Variants in SOCS7 observed in about 807,000 individuals in gnomAD.
SOCS7 encodes suppressor of cytokine signaling 7, also known as NAP-4.
A neutral mutation model predicts 58.9 loss-of-function variants in SOCS7; 18 were observed. The observed-to-expected ratio is 0.31, with a 90% confidence interval of 0.21 to 0.45. SOCS7 has a LOEUF of 0.45. SOCS7 is among the 20% of genes least tolerant of loss of function. The pLI, the probability that SOCS7 is intolerant of heterozygous loss-of-function variation, is 1.00. For synonymous variants in SOCS7, 388 were observed against 364.3 expected, an observed-to-expected ratio of 1.06 and a Z score of -0.74; for missense variants, 667 against 837.3, an observed-to-expected ratio of 0.80 and a Z score of 2.51.
intron 6 of SOCS7, among the ~76,000 whole-genome samples, chr17:38,371,910 T>C (rs1004212928): frequency 6.6e-6 from 1 of 151,998 alleles, no homozygotes; most frequent in African/African-American, 2.4e-5. Context: ...CTTTGTAATA[T>C]GTTGGCGTGG....
In SOCS7 at chr17:38,401,792, C is replaced by CA. The variant is rs2144418238; in HGVS notation, c.*2311dup. On this transcript the variant is annotated 3_prime_UTR_variant, in exon 10 of 10. Coordinates refer to ENST00000612932, the MANE Select transcript of SOCS7 (RefSeq NM_014598.4). ...TCTGCATGGCATGTACTGAACAGTG[C>CA]ACAGCCCTGTTAGAGCAACATGGTT... is the stretch of plus-strand genomic sequence containing the variant. 6.6e-6 allele frequency: 1 copy of CA among 152,352 alleles called. No individual in the cohort carries two copies. The highest frequency in any genetic ancestry group is 2.4e-5 in the African/African-American group (1 of 41,570). 9.4% of individuals were successfully genotyped at this position (152,352 alleles called of 1,614,324 possible).
At chr17:38,365,509 C>A in intron 4 of SOCS7, 100 bp downstream of exon 4, 1 of 720,702 alleles carries the variant, frequency 1.4e-6, no homozygotes, top group Non-Finnish European at 2.1e-6. Context: ...GAAATAACAG[C>A]TTAGTAGAAA....
intron 7 of SOCS7, among the ~76,000 whole-genome samples, chr17:38,389,900 C>G (rs1220797414): frequency 5.0e-5 from 1 of 20,184 alleles, no homozygotes; most frequent in Non-Finnish European, 9.8e-5. Context: ...TATATATATA[C>G]ACATATAGAG....
intron 6 of SOCS7, 110 bp from the exon 7 acceptor site, chr17:38,377,604 C>T (rs1252950988): frequency 5.1e-6 from 5 of 979,766 alleles, no homozygotes; most frequent in African/African-American, 5.0e-5. Flanking sequence ...GCCAGCTTGC[C>T]CCCAAACTGC....
At position 38,379,014 on chromosome 17, in the gene SOCS7, C is replaced by T. The variant is rs532601333; in HGVS notation, c.1681+1172C>T. Among the ~76,000 whole-genome samples the T allele has an allele frequency of 1.4e-4, 21 of 151,814 alleles. No homozygotes were observed. In the South Asian group the frequency reaches 4.4e-3, roughly 32 times the overall value. Reference sequence around the variant, plus strand: ...CTCTACAAAATACACAAAAATTAGCCGGGTGTGATGCCAGGCGTCTGTAGT... The same window carrying T: ...CTCTACAAAATACACAAAAATTAGCTGGGTGTGATGCCAGGCGTCTGTAGT... On this transcript the variant is annotated intron_variant, in intron 7 of 9. Transcript: ENST00000612932.
In SOCS7 at chr17:38,377,771, A is replaced by AGT; in HGVS notation, c.1611_1612dup (p.Phe538CysfsTer19). On this transcript the variant is annotated frameshift_variant, in exon 7 of 10. Coordinates refer to ENST00000612932, the MANE Select transcript of SOCS7 (RefSeq NM_014598.4). LOFTEE classifies it high-confidence loss of function. ...GAGGACCGCTGTCAATCTGTTGTAG[A>AGT]GTTTATTAAGAGAGCCATTATGCAC... 1 of 1,613,694 alleles carries AGT rather than the reference A, an allele frequency of 6.2e-7. No homozygotes were observed. The highest frequency in any genetic ancestry group is 8.5e-7 in the Non-Finnish European group (1 of 1,179,710).
rs540789076 is a variant in SOCS7 at position 38,393,792 on chromosome 17, C to T, written c.1682-1517C>T. Among the ~76,000 whole-genome samples, 19 of 151,508 alleles carry T rather than the reference C, an allele frequency of 1.3e-4. No individual in the cohort carries two copies. The East Asian group carries it at 2.1e-3, about 17-fold the overall frequency. On this transcript the variant is annotated intron_variant, in intron 7 of 9. Coordinates refer to ENST00000612932, the MANE Select transcript of SOCS7 (RefSeq NM_014598.4). The stretch of plus-strand genomic sequence containing the variant: ...GTGGGTGCCTGTAATCCCAGCTACT[C>T]GGGAGGCTGAGGCAGGAGAATGGCA...
intron 7 of SOCS7, among the ~76,000 whole-genome samples, chr17:38,388,515 G>A (rs2038110105): frequency 6.6e-6 from 1 of 151,952 alleles, no homozygotes; most frequent in African/African-American, 2.4e-5. Flanking sequence ...GAACAAGACT[G>A]TGTCTCAAGA....
chr17:38,360,917 C>T (rs41366846), intron 1 of SOCS7, among the ~76,000 whole-genome samples: 1,952 of 152,294 alleles, frequency 0.013, 44 homozygotes, highest in African/African-American at 0.044. Context: ...CACTTCTGGC[C>T]GTAATGTCTT....
At chr17:38,395,714 A>G in intron 8 of SOCS7, 134 bp from the exon 9 acceptor site, 3 of 984,678 alleles carry the variant, frequency 3.0e-6, no homozygotes, top group Non-Finnish European at 1.5e-6. Flanking sequence ...AGACAGAACT[A>G]TAATAACTGA....
At position 38,352,340 on chromosome 17, in the gene SOCS7, C is replaced by T; in HGVS notation, c.288C>T (p.Arg96=). 2.0e-6 allele frequency: 3 copies of T among 1,482,468 alleles called. No individual in the cohort carries two copies. Among genetic ancestry groups the T allele is most frequent in the Non-Finnish European group, 2.7e-6 (3 of 1,127,670 alleles). The allele number at this position is 1,482,468 out of a possible 1,614,324, so 91.8% of individuals were successfully genotyped here. Residue 96 remains arginine, a synonymous_variant, in exon 1 of 10, where the codon CGC becomes CGT. Coordinates refer to ENST00000612932, the MANE Select transcript of SOCS7 (RefSeq NM_014598.4). The surrounding 1 kb of genome is among the most constrained non-coding windows in gnomAD (Gnocchi z 5.5). ...CGGAACTGCTGTGTCCCCGGCACCG[C>T]TGTGCCCTGGACCCCAAGGCCCTGC... ...GPSELLCPRH[R]CALDPKALPP...
rs886710695 is a variant in SOCS7 at position 38,403,933 on chromosome 17, A to G, written c.*4451A>G. ...CAGTGTTTATCAGTAGTTCAAAATG[A>G]TTTATTTGCTCCTGGGGAGTAAAAC... On this transcript the variant is annotated 3_prime_UTR_variant, in exon 10 of 10. Transcript: ENST00000612932. 3.9e-5 allele frequency: 6 copies of G among 152,090 alleles called. No individual in the cohort carries two copies. The highest frequency in any genetic ancestry group is 1.3e-4 in the Admixed American group (2 of 15,268). The allele number at this position is 152,090 out of a possible 1,614,324, so 9.4% of individuals were successfully genotyped here.
chr17:38,397,321 A>T (rs2038257866), intron 9 of SOCS7, among the ~76,000 whole-genome samples: 1 of 152,220 alleles, frequency 6.6e-6, no homozygotes, highest in African/African-American at 2.4e-5. Context: ...AACAATCCTG[A>T]TGTCACAGCA....
intron 6 of SOCS7, among the ~76,000 whole-genome samples, chr17:38,369,669 G>A (rs2037835484): frequency 6.9e-6 from 1 of 144,698 alleles, no homozygotes; most frequent in Non-Finnish European, 1.5e-5. Context: ...ATAGTTCTCC[G>A]ATTACTTTTT....
chr17:38,390,057 G>A (rs2038150465), intron 7 of SOCS7, among the ~76,000 whole-genome samples: 1 of 149,312 alleles, frequency 6.7e-6, no homozygotes, highest in Admixed American at 6.8e-5. Flanking sequence ...AAAGTTCTGG[G>A]ATTACAGGTG....
chr17:38,366,198 AGTTAGCATCCTCT>A, intron 4 of SOCS7, 76 bp from the exon 5 acceptor site: 1 of 1,537,216 alleles, frequency 6.5e-7, no homozygotes, highest in Non-Finnish European at 8.8e-7. Flanking sequence ...TGCCCTCTTC[AGTTAGCATCCTCT>A]GTTTTTGGGG....
At chr17:38,392,515 T>C (rs1231105125) in intron 7 of SOCS7, among the ~76,000 whole-genome samples, 2 of 152,212 alleles carry the variant, frequency 1.3e-5, no homozygotes, top group African/African-American at 4.8e-5. Flanking sequence ...CAGGACAAAT[T>C]CAAAGAGGCA....
chr17:38,365,589 C>T (rs780181262), intron 4 of SOCS7, 180 bp downstream of exon 4: 76 of 449,102 alleles, frequency 1.7e-4, no homozygotes, highest in African/African-American at 7.7e-4. Flanking sequence ...TTTCCTAACC[C>T]GTTTTCTTTA....
At chr17:38,388,484 A>C (rs1185088670) in intron 7 of SOCS7, among the ~76,000 whole-genome samples, 1 of 152,124 alleles carries the variant, frequency 6.6e-6, no homozygotes, top group African/African-American at 2.4e-5. Flanking sequence ...ACACCACTGT[A>C]CTTCATCCTG....
Sources: gnomAD v4.1 joint callset for allele counts (sites outside exome capture counted in the v4.1 genomes callset) on GRCh38, gnomAD v4.1.1 for gene constraint, Gnocchi (gnomAD v3.1) non-coding constraint, MANE v1.5 for transcripts, NCBI Gene and HGNC (gene_info 2026-07-23, HGNC 2026-07-21) for gene names.